EYS: variants seen among roughly 807,000 people sequenced by gnomAD.
The protein encoded by EYS is protein eyes shut homolog.
In EYS, 250 loss-of-function variants were observed where a neutral mutation model predicts 282.1. The ratio of observed to expected loss-of-function variants is 0.89; its 90% CI spans 0.80 to 0.98. The LOEUF is 0.98. Among genes scored for constraint, EYS ranks in the 50% least tolerant of loss-of-function variants. EYS has a pLI of 0.00. For synonymous variants in EYS, 1,355 were observed against 1,282.9 expected, an observed-to-expected ratio of 1.06 and a Z score of -1.20; for missense variants, 4,016 against 3,709.0, an observed-to-expected ratio of 1.08 and a Z score of -2.15.
At chr6:65,401,461 A>T (rs978534802) in intron 7 of EYS, among the ~76,000 whole-genome samples, 3 of 151,476 alleles carry the variant, frequency 2.0e-5, no homozygotes, top group Admixed American at 6.6e-5. Flanking sequence ...ATTGAGGCAT[A>T]GAAATAGAAT....
At chr6:64,583,289 C>T (rs567947790) in intron 26 of EYS, among the ~76,000 whole-genome samples, 7 of 151,832 alleles carry the variant, frequency 4.6e-5, no homozygotes, top group African/African-American at 1.4e-4. Context: ...AACCCTGGGA[C>T]ATAAACATTA....
intron 37 of EYS, 73 bp downstream of exon 37, chr6:63,806,117 G>C: frequency 4.6e-6 from 6 of 1,297,890 alleles, no homozygotes; most frequent in African/African-American, 3.0e-5. Context: ...CAGCCAATTA[G>C]AGTGTCCCTG....
At chr6:64,755,327 C>A (rs190247265) in intron 22 of EYS, among the ~76,000 whole-genome samples, 2 of 152,144 alleles carry the variant, frequency 1.3e-5, no homozygotes, top group East Asian at 1.9e-4. Flanking sequence ...ACCTCATGCT[C>A]ATGGATTGGA....
intron 12 of EYS, among the ~76,000 whole-genome samples, chr6:65,112,541 C>T (rs1775242538): frequency 6.6e-6 from 1 of 152,150 alleles, no homozygotes; most frequent in Non-Finnish European, 1.5e-5. Context: ...AAAAGATCTA[C>T]ATAGTGAAAT....
chr6:64,009,391 C>T (rs1768499124), intron 33 of EYS, among the ~76,000 whole-genome samples: 1 of 151,564 alleles, frequency 6.6e-6, no homozygotes, highest in Non-Finnish European at 1.5e-5. Flanking sequence ...TCATGCCATT[C>T]TCCTGCCTCA....
At chr6:64,029,367 G>T (rs538075226) in intron 33 of EYS, among the ~76,000 whole-genome samples, 1 of 152,162 alleles carries the variant, frequency 6.6e-6, no homozygotes, top group African/African-American at 2.4e-5. Flanking sequence ...AGTGTCAGAG[G>T]CTATTAAAAT....
chr6:64,721,008 T>G (rs56380369), intron 22 of EYS, among the ~76,000 whole-genome samples: 143,373 of 152,154 alleles, frequency 0.94, 67,981 homozygotes, highest in East Asian at 1. Context: ...TAATAAGGTG[T>G]TTTTATATTC....
intron 12 of EYS, among the ~76,000 whole-genome samples, chr6:65,058,136 G>C (rs749495398): frequency 3.3e-5 from 5 of 152,034 alleles, no homozygotes; most frequent in Non-Finnish European, 7.4e-5. Context: ...TGTCCCTGAG[G>C]GCTGAATGTT....
At chr6:64,436,973 T>C (rs1018076921) in intron 27 of EYS, among the ~76,000 whole-genome samples, 2 of 151,794 alleles carry the variant, frequency 1.3e-5, no homozygotes, top group Admixed American at 1.3e-4. Context: ...ATAACCCACA[T>C]GTGTTAAGAA....
rs867578762 is a variant in EYS at position 63,971,909 on chromosome 6, A to G, written c.7055+12474T>C. ...ACATGGTAAGTTAGGTGAGATATGAAGAAAGGATTCTTGGTATTGAAACAT... is the reference window on the plus strand; with the variant it reads ...ACATGGTAAGTTAGGTGAGATATGAGGAAAGGATTCTTGGTATTGAAACAT... On this transcript the variant is annotated intron_variant, in intron 35 of 42. Coordinates refer to ENST00000503581, the MANE Select transcript of EYS (RefSeq NM_001142800.2). 3.3e-5 allele frequency among the ~76,000 whole-genome samples: 5 copies of G among 152,362 alleles called. No individual in the cohort carries two copies. The South Asian group carries it at 8.3e-4, about 25-fold the overall frequency.
At chr6:63,935,258 T>G (rs1765022351) in intron 35 of EYS, among the ~76,000 whole-genome samples, 1 of 152,240 alleles carries the variant, frequency 6.6e-6, no homozygotes, top group African/African-American at 2.4e-5. Flanking sequence ...GCCTGATACA[T>G]AGCATGCTCT....
chr6:65,059,522 C>A (rs1773509953), intron 12 of EYS, among the ~76,000 whole-genome samples: 1 of 152,096 alleles, frequency 6.6e-6, no homozygotes, highest in Admixed American at 6.6e-5. Context: ...ATGCTATCTT[C>A]CTTACACTTC....
At chr6:64,661,139 C>G (rs367601692) in intron 22 of EYS, among the ~76,000 whole-genome samples, 4 of 152,064 alleles carry the variant, frequency 2.6e-5, no homozygotes, top group East Asian at 1.9e-4. Context: ...AATGGGGAAA[C>G]GATTCCCTAT....
In EYS at chr6:64,776,723, G is replaced by T. The variant is rs141890288; in HGVS notation, c.3443+36655C>A. On this transcript the variant is annotated intron_variant, in intron 22 of 42. Coordinates refer to ENST00000503581, the MANE Select transcript of EYS (RefSeq NM_001142800.2). ...TTATATTAGTAATAATGCTTTTGGT[G>T]CTTAGGGAATGAATAACACTTGCCA... Among the ~76,000 whole-genome samples, 174 of 152,128 alleles carry T rather than the reference G, an allele frequency of 1.1e-3. 1 individual carries two copies. Among genetic ancestry groups the T allele is most frequent in the Middle Eastern group, 3.4e-3 (1 of 294 alleles).
At chr6:64,065,033 G>C (rs762769209) in intron 33 of EYS, among the ~76,000 whole-genome samples, 1 of 152,088 alleles carries the variant, frequency 6.6e-6, no homozygotes, top group Admixed American at 6.6e-5. Flanking sequence ...TTGCCTTCTT[G>C]TTATAAGCAA....
chr6:65,662,899 G>T (rs956511635), intron 1 of EYS, among the ~76,000 whole-genome samples: 1 of 152,202 alleles, frequency 6.6e-6, no homozygotes, highest in Non-Finnish European at 1.5e-5. Context: ...GGTAAACTAG[G>T]ATGTTGGCAC....
chr6:63,756,282 A>T (rs934741247), intron 41 of EYS, among the ~76,000 whole-genome samples: 1 of 152,104 alleles, frequency 6.6e-6, no homozygotes, highest in African/African-American at 2.4e-5. Context: ...AATAGCTCTT[A>T]TTATTTTGAG....
At chr6:64,213,254 G>A (rs1321498443) in intron 31 of EYS, among the ~76,000 whole-genome samples, 1 of 151,250 alleles carries the variant, frequency 6.6e-6, no homozygotes, top group Non-Finnish European at 1.5e-5. Flanking sequence ...AGTTTTGAAG[G>A]GGACATTAAA....
intron 15 of EYS, among the ~76,000 whole-genome samples, chr6:64,920,850 G>C (rs1768322928): frequency 6.6e-6 from 1 of 152,004 alleles, no homozygotes; most frequent in South Asian, 2.1e-4. Context: ...AAAGTACTAA[G>C]ATATAGAACT....
Sources: allele counts gnomAD v4.1 joint callset (sites outside exome capture counted in the v4.1 genomes callset), GRCh38; gene constraint gnomAD v4.1.1; transcripts MANE v1.5; gene names NCBI Gene and HGNC (gene_info 2026-07-23, HGNC 2026-07-21).